TOM1L2: variants seen among roughly 807,000 people sequenced by gnomAD.
TOM1L2 encodes target of myb1 like 2 membrane trafficking protein.
Under a neutral mutation model 67.9 loss-of-function variants are expected in TOM1L2, and 31 were observed. That is an observed-to-expected ratio of 0.46 (90% CI 0.34 to 0.62). The LOEUF is 0.62. Among genes scored for constraint, TOM1L2 ranks in the 20% least tolerant of loss-of-function variants. TOM1L2 has a pLI of 0.01. For missense variants in TOM1L2, 606 were observed against 663.5 expected (o/e 0.91, Z 0.95); for synonymous variants, 256 against 254.0 (o/e 1.01, Z -0.07).
chr17:17,877,480 G>C lies in TOM1L2; in HGVS notation c.777+2147C>G, dbSNP rs771011577. ...GATTCCAGCACTTTCTAAGCAGACA[G>C]TGGTATTTCTCCACATGGAAGGTTG... On this transcript the variant is annotated intron_variant, in intron 7 of 14. Transcript: ENST00000379504. Among the ~76,000 whole-genome samples the C allele has an allele frequency of 4.6e-5, 7 of 152,326 alleles. No individual in the cohort carries two copies. In the South Asian group the frequency reaches 1.4e-3, roughly 32 times the overall value.
At chr17:17,956,842 C>A (rs533647472) in intron 1 of TOM1L2, among the ~76,000 whole-genome samples, 3 of 152,322 alleles carry the variant, frequency 2.0e-5, no homozygotes. Context: ...GGTTCCCGCC[C>A]GCGCCTCTCC....
chr17:17,895,012 A>C (rs1178980675), intron 3 of TOM1L2, among the ~76,000 whole-genome samples: 1 of 151,854 alleles, frequency 6.6e-6, no homozygotes, highest in Non-Finnish European at 1.5e-5. Context: ...TGCACATAGC[A>C]AAGTATCCTG....
intron 6 of TOM1L2, among the ~76,000 whole-genome samples, chr17:17,882,347 C>T (rs1178659884): frequency 6.6e-6 from 1 of 152,236 alleles, no homozygotes; most frequent in African/African-American, 2.4e-5. Flanking sequence ...CCTGCTGCTC[C>T]GAGAGAGCAG....
rs2035804085 is a variant in TOM1L2, at chr17:17,848,868, G to A, written c.1339-9C>T. On this transcript the variant is annotated splice_polypyrimidine_tract_variant and intron_variant, in intron 13 of 14. Coordinates refer to ENST00000379504, the MANE Select transcript of TOM1L2 (RefSeq NM_001082968.2). ...TCCAGATCATCACCCTTCTGTGGGA[G>A]GAGCAGAGAAAATGAAATTAGGGCA... 3 of 1,614,180 alleles carry A rather than the reference G, an allele frequency of 1.9e-6. No homozygotes were observed. The highest frequency in any genetic ancestry group is 1.7e-6 in the Non-Finnish European group (2 of 1,180,026).
chr17:17,942,930 T>C lies in TOM1L2; in HGVS notation c.52+29332A>G, dbSNP rs141162979. ...TTAGAAGTAAACAAAAAGCTGTTTA[T>C]CTTTTAGAGCCCTTTATCTATTTCA... is the stretch of plus-strand genomic sequence containing the variant. On this transcript the variant is annotated intron_variant, in intron 1 of 14. Transcript: ENST00000379504. 7.2e-4 allele frequency among the ~76,000 whole-genome samples: 110 copies of C among 152,324 alleles called. 2 individuals are homozygous for C. In the East Asian group the frequency reaches 0.018, roughly 25 times the overall value.
intron 1 of TOM1L2, among the ~76,000 whole-genome samples, chr17:17,940,977 C>T (rs559054329): frequency 6.6e-6 from 1 of 152,272 alleles, no homozygotes; most frequent in East Asian, 1.9e-4. Context: ...AGATTTGTAC[C>T]ATTGGGATTC....
rs2039588396 is a variant in TOM1L2, at chr17:17,915,502, TG to T, written c.53-7972del. Among the ~76,000 whole-genome samples, 4 of 152,144 alleles carry T rather than the reference TG, an allele frequency of 2.6e-5. No homozygotes were observed. In the South Asian group the frequency reaches 8.3e-4, roughly 32 times the overall value. On this transcript the variant is annotated intron_variant, in intron 1 of 14. Coordinates refer to ENST00000379504, the MANE Select transcript of TOM1L2 (RefSeq NM_001082968.2). Reference sequence around the variant, plus strand: ...TGGAGACATATCTATTCAATTTTTTTGGCCCCTCACCCCTTTTTTTTAAGAG... The same window carrying T: ...TGGAGACATATCTATTCAATTTTTTTGCCCCTCACCCCTTTTTTTTAAGAG...
At chr17:17,889,644 C>A (rs1287357370) in intron 4 of TOM1L2, among the ~76,000 whole-genome samples, 1 of 152,166 alleles carries the variant, frequency 6.6e-6, no homozygotes, top group Admixed American at 6.5e-5. Context: ...GGCCCCTTTA[C>A]CTTGAAAGCT....
intron 1 of TOM1L2, among the ~76,000 whole-genome samples, chr17:17,948,790 G>C (rs7214002): frequency 0.45 from 68,041 of 151,796 alleles, 16,091 homozygotes; most frequent in East Asian, 0.86. Flanking sequence ...GCAAGGCAGG[G>C]GTCCTAGGAA....
intron 1 of TOM1L2, among the ~76,000 whole-genome samples, chr17:17,931,003 T>C (rs1448895807): frequency 6.6e-6 from 1 of 152,246 alleles, no homozygotes; most frequent in Non-Finnish European, 1.5e-5. Flanking sequence ...TGGAATGTCT[T>C]CAACAACAGT....
intron 4 of TOM1L2, among the ~76,000 whole-genome samples, chr17:17,890,968 A>G (rs1305412585): frequency 6.6e-6 from 1 of 152,242 alleles, no homozygotes; most frequent in African/African-American, 2.4e-5. Flanking sequence ...TCTGCTGGGC[A>G]GCCGTTACCA....
intron 12 of TOM1L2, among the ~76,000 whole-genome samples, chr17:17,855,855 T>C (rs542904350): frequency 6.6e-6 from 1 of 152,022 alleles, no homozygotes; most frequent in Admixed American, 6.5e-5. Context: ...TCTCACTCAA[T>C]AGTACAAAAA....
intron 13 of TOM1L2, among the ~76,000 whole-genome samples, chr17:17,850,597 G>C (rs534847710): frequency 6.6e-6 from 1 of 152,336 alleles, no homozygotes; most frequent in South Asian, 2.1e-4. Context: ...ATACTGGGGG[G>C]AAGGCAAGTG....
chr17:17,849,084 C>T, intron 13 of TOM1L2: 1 of 572,786 alleles, frequency 1.7e-6, no homozygotes, highest in Non-Finnish European at 3.1e-6. Context: ...AAAATTCAAA[C>T]ATGTTTTAGG....
At chr17:17,913,258 C>CTG (rs2039483958) in intron 1 of TOM1L2, among the ~76,000 whole-genome samples, 1 of 143,244 alleles carries the variant, frequency 7.0e-6, no homozygotes, top group South Asian at 2.2e-4. Context: ...CGTGGGGAGA[C>CTG]GGGAGAGGGA....
chr17:17,905,296 G>A (rs755506258), intron 2 of TOM1L2, among the ~76,000 whole-genome samples: 10 of 152,166 alleles, frequency 6.6e-5, no homozygotes, highest in Non-Finnish European at 1.2e-4. Context: ...TCTTCCAGGA[G>A]CCTGGCTGGC....
At chr17:17,874,658 C>A (rs1488335907) in intron 7 of TOM1L2, among the ~76,000 whole-genome samples, 1 of 152,170 alleles carries the variant, frequency 6.6e-6, no homozygotes. Flanking sequence ...AGAATGAGCC[C>A]CAAGGGCACA....
intron 1 of TOM1L2, among the ~76,000 whole-genome samples, chr17:17,919,664 GTGT>G (rs1285633931): frequency 6.6e-6 from 1 of 152,202 alleles, no homozygotes; most frequent in African/African-American, 2.4e-5. Context: ...AGGGGCCACG[GTGT>G]TGTTGCAAGT....
At chr17:17,925,420 A>G (rs1170943040) in intron 1 of TOM1L2, among the ~76,000 whole-genome samples, 1 of 152,206 alleles carries the variant, frequency 6.6e-6, no homozygotes, top group Admixed American at 6.5e-5. Context: ...GCAAACTTTA[A>G]AAATTTTTTA....
Sources: gnomAD v4.1 joint callset for allele counts (sites outside exome capture counted in the v4.1 genomes callset) on GRCh38, gnomAD v4.1.1 for gene constraint, MANE v1.5 for transcripts, NCBI Gene and HGNC (gene_info 2026-07-23, HGNC 2026-07-21) for gene names.